The following GADL1 variants were observed in gnomAD, a reference collection of about 807,000 sequenced individuals.
GADL1 encodes acidic amino acid decarboxylase GADL1.
A neutral mutation model predicts 69.5 loss-of-function variants in GADL1; 71 were observed. The ratio of observed to expected loss-of-function variants is 1.02; its 90% CI spans 0.84 to 1.25. The LOEUF is 1.25. GADL1 is among the 50% of genes most tolerant of loss of function. GADL1 has a pLI of 0.00. For missense variants in GADL1, 737 were observed against 631.8 expected (o/e 1.17, Z -1.79); for synonymous variants, 254 against 214.4 (o/e 1.18, Z -1.62).
intron 14 of GADL1, among the ~76,000 whole-genome samples, chr3:30,750,927 C>T (rs1197718433): frequency 6.6e-6 from 1 of 152,022 alleles, no homozygotes; most frequent in East Asian, 1.9e-4. Context: ...AGGACATTAT[C>T]TGAAACACAA....
At chr3:30,731,417 A>G (rs74823973) in intron 14 of GADL1, among the ~76,000 whole-genome samples, 1,538 of 152,308 alleles carry the variant, frequency 0.01, 12 homozygotes, top group Non-Finnish European at 0.019. Flanking sequence ...TTTTGATTCC[A>G]GTACATAATA....
chr3:30,850,008 G>A lies in GADL1; in HGVS notation c.639C>T (p.Phe213=). ...GLSGSPRLIL[F]TSAECHYSMK... Reference sequence around the variant, plus strand: ...AAATAATTTTTACCTCTGCAGATGTGAAAAGGATTAATCTTGGCGAACCAG... The same window carrying A: ...AAATAATTTTTACCTCTGCAGATGTAAAAAGGATTAATCTTGGCGAACCAG... Residue 213 remains phenylalanine, a synonymous_variant, in exon 6 of 15, where the codon TTC becomes TTT. Coordinates refer to ENST00000282538, the MANE Select transcript of GADL1 (RefSeq NM_207359.3). The A allele has an allele frequency of 6.3e-7, 1 of 1,586,504 alleles. No individual in the cohort carries two copies. The highest frequency in any genetic ancestry group is 8.7e-7 in the Non-Finnish European group (1 of 1,155,378).
At chr3:30,790,988 A>C (rs1158475446) in intron 12 of GADL1, among the ~76,000 whole-genome samples, 2 of 151,426 alleles carry the variant, frequency 1.3e-5, no homozygotes, top group African/African-American at 2.4e-5. Context: ...GATTTGATTC[A>C]ATTTTTACAC....
At chr3:30,732,885 T>A (rs1695481204) in intron 14 of GADL1, among the ~76,000 whole-genome samples, 1 of 152,156 alleles carries the variant, frequency 6.6e-6, no homozygotes, top group African/African-American at 2.4e-5. Flanking sequence ...TGGTGAAATC[T>A]GTCTCTACTA....
At chr3:30,819,656 T>C (rs1398745222) in intron 11 of GADL1, among the ~76,000 whole-genome samples, 2 of 151,942 alleles carry the variant, frequency 1.3e-5, no homozygotes, top group Admixed American at 6.6e-5. Flanking sequence ...AGAAAATGAA[T>C]ATTAATTACA....
chr3:30,844,486 G>A lies in GADL1; in HGVS notation c.652-20C>T, dbSNP rs1156970906. ...ATGACACTGAATTCAAAGGGACAGT[G>A]GGGAAGGGGGAGACATGAAAACATA... On this transcript the variant is annotated intron_variant, in intron 6 of 14. Coordinates refer to ENST00000282538, the MANE Select transcript of GADL1 (RefSeq NM_207359.3). 8 of 1,477,240 alleles carry A rather than the reference G, an allele frequency of 5.4e-6. No homozygotes were observed. In the Admixed American group the frequency reaches 1.2e-4, roughly 22 times the overall value. The allele number at this position is 1,477,240 out of a possible 1,614,324, so 91.5% of individuals were successfully genotyped here. A position where few individuals can be genotyped will look rare whatever the true frequency, so the allele number is the denominator to read the frequency against.
chr3:30,837,072 A>T (rs1697886884), intron 9 of GADL1, among the ~76,000 whole-genome samples: 1 of 152,098 alleles, frequency 6.6e-6, no homozygotes, highest in Non-Finnish European at 1.5e-5. Context: ...AGAATTAATA[A>T]AACATGGTAT....
At chr3:30,789,000 T>G (rs111745853) in intron 12 of GADL1, among the ~76,000 whole-genome samples, 1 of 152,174 alleles carries the variant, frequency 6.6e-6, no homozygotes, top group African/African-American at 2.4e-5. Context: ...TAAATCCCCA[T>G]TATTAGTATT....
intron 1 of GADL1, among the ~76,000 whole-genome samples, chr3:30,864,778 G>T (rs1192564005): frequency 6.6e-6 from 1 of 151,884 alleles, no homozygotes; most frequent in Non-Finnish European, 1.5e-5. Context: ...CTTCCATGAA[G>T]ACTATACCTA....
At chr3:30,748,948 TA>T (rs1339963441) in intron 14 of GADL1, among the ~76,000 whole-genome samples, 1 of 152,196 alleles carries the variant, frequency 6.6e-6, no homozygotes, top group African/African-American at 2.4e-5. Context: ...TGACTGCCTC[TA>T]AACTTCCCAC....
intron 12 of GADL1, among the ~76,000 whole-genome samples, chr3:30,795,361 A>T (rs971406273): frequency 6.6e-6 from 1 of 152,198 alleles, no homozygotes; most frequent in Non-Finnish European, 1.5e-5. Flanking sequence ...ATTATGACTC[A>T]CAGAACCAGT....
intron 4 of GADL1, among the ~76,000 whole-genome samples, 154 bp downstream of exon 4, chr3:30,854,545 A>AT (rs1698198560): frequency 6.6e-6 from 1 of 152,250 alleles, no homozygotes; most frequent in African/African-American, 2.4e-5. Context: ...TCAAATAGCT[A>AT]TTTGAATACT....
intron 12 of GADL1, among the ~76,000 whole-genome samples, chr3:30,790,789 A>AT (rs1461024676): frequency 6.6e-6 from 1 of 152,184 alleles, no homozygotes; most frequent in African/African-American, 2.4e-5. Context: ...TACTGTGGGT[A>AT]TATAGGTATA....
chr3:30,728,459 C>A, intron 14 of GADL1, 44 bp from the exon 15 acceptor site: 1 of 1,504,100 alleles, frequency 6.6e-7, no homozygotes. Context: ...ACCAGAACAT[C>A]AAGGCATTTC....
At chr3:30,754,976 A>G (rs1227011890) in intron 14 of GADL1, among the ~76,000 whole-genome samples, 1 of 152,020 alleles carries the variant, frequency 6.6e-6, no homozygotes, top group Non-Finnish European at 1.5e-5. Context: ...AGCAGACCAA[A>G]ACGGGGGAGC....
intron 1 of GADL1, among the ~76,000 whole-genome samples, chr3:30,867,106 G>GA (rs993966319): frequency 2.6e-5 from 4 of 151,936 alleles, no homozygotes; most frequent in African/African-American, 9.7e-5. Flanking sequence ...CCCATCTGAG[G>GA]AAAGTGATCT....
intron 8 of GADL1, among the ~76,000 whole-genome samples, chr3:30,842,638 A>G (rs989324730): frequency 2.6e-5 from 4 of 152,144 alleles, no homozygotes; most frequent in Non-Finnish European, 5.9e-5. Context: ...CATTAACAAC[A>G]TAATGCAAAT....
intron 14 of GADL1, among the ~76,000 whole-genome samples, chr3:30,752,679 G>A (rs1306634934): frequency 1.3e-5 from 2 of 151,930 alleles, no homozygotes; most frequent in African/African-American, 2.4e-5. Context: ...TGTGACAGTA[G>A]CAGAAGGGAG....
intron 14 of GADL1, among the ~76,000 whole-genome samples, chr3:30,771,179 G>C (rs1225601724): frequency 2.0e-5 from 3 of 152,198 alleles, no homozygotes; most frequent in Non-Finnish European, 4.4e-5. Context: ...AAAGCACTGA[G>C]TATTCCCTGC....
Sources: allele counts gnomAD v4.1 joint callset (sites outside exome capture counted in the v4.1 genomes callset), GRCh38; gene constraint gnomAD v4.1.1; transcripts MANE v1.5; gene names NCBI Gene and HGNC (gene_info 2026-07-23, HGNC 2026-07-21).